The following CEP170B variants were observed in gnomAD, a reference collection of about 807,000 sequenced individuals.
CEP170B encodes the protein centrosomal protein 170B, also known as centrosomal protein of 170 kDa protein B.
A neutral mutation model predicts 120.6 loss-of-function variants in CEP170B; 55 were observed. The observed-to-expected ratio is 0.46, with a 90% CI of 0.37 to 0.57. The LOEUF (loss-of-function observed/expected upper bound fraction) is 0.57. Ranked by LOEUF, CEP170B falls within the 20% of genes least tolerant of loss-of-function variation. CEP170B has a pLI of 0.00. For missense variants in CEP170B, 2,212 were observed against 2,253.3 expected (o/e 0.98, Z 0.37); for synonymous variants, 1,033 against 954.5 (o/e 1.08, Z -1.52).
At chr14:104,874,747 C>A in intron 2 of CEP170B, among the ~76,000 whole-genome samples, 1 of 152,036 alleles carries the variant, frequency 6.6e-6, no homozygotes. Flanking sequence ...CCCCCAACCC[C>A]CACCCCCGGT....
chr14:104,876,421 C>A, intron 3 of CEP170B, 76 bp downstream of exon 3: 1 of 1,387,528 alleles, frequency 7.2e-7, no homozygotes, highest in East Asian at 2.5e-5. Context: ...TCAGTTCTGG[C>A]TCCTCCCCCA....
Position 104,883,345 on chromosome 14 carries a change from G to T in CEP170B, c.888G>T (p.Arg296=), listed in dbSNP as rs1353625986. The T allele has an allele frequency of 6.2e-7, 1 of 1,611,214 alleles. No individual in the cohort carries two copies. The highest frequency in any genetic ancestry group is 8.5e-7 in the Non-Finnish European group (1 of 1,179,418). The change falls in exon 8 of 19, where the codon CGG becomes CGT. Residue 296 remains arginine (R), a synonymous_variant. Coordinates refer to ENST00000414716, the MANE Select transcript of CEP170B (RefSeq NM_001112726.3). ...HITKFSLRQR[R]PPGKEATPGE... ...CCAAGTTTTCCCTGCGCCAGCGGCG[G>T]CCCCCGGGCAAGGAGGCCACACCTG...
chr14:104,877,829 CA>C, intron 3 of CEP170B, 55 bp from the exon 4 acceptor site: 4 of 619,772 alleles, frequency 6.5e-6, no homozygotes, highest in South Asian at 2.3e-5. Context: ...CGGCCCTGCC[CA>C]CAGCCACCCA....
At chr14:104,877,212 C>T (rs1395462003) in intron 3 of CEP170B, among the ~76,000 whole-genome samples, 2 of 152,180 alleles carry the variant, frequency 1.3e-5, no homozygotes, top group Non-Finnish European at 2.9e-5. Flanking sequence ...AGCGGCTGTC[C>T]CTGAATGGCT....
chr14:104,886,734 C>T lies in CEP170B; in HGVS notation c.2495C>T (p.Ala832Val). The T allele has an allele frequency of 6.2e-7, 1 of 1,607,230 alleles. No homozygotes were observed. Among genetic ancestry groups the T allele is most frequent in the African/African-American group, 1.3e-5 (1 of 74,980 alleles). Residue 832 changes from alanine to valine, a missense_variant, in exon 12 of 19, where the codon GCA (alanine) becomes GTA (valine). Ala to Val is a moderately conservative substitution (Grantham distance 64). Around this residue, in one of 2 missense-constraint regions of CEP170B, gnomAD observed 2,166 missense variants for 2,166.7 expected, o/e 1.00. Coordinates refer to ENST00000414716, the MANE Select transcript of CEP170B (RefSeq NM_001112726.3). ...LGQTAQPSPP[A>V]RDGVYVSANG... ...CAGACAGCCCAGCCCAGCCCCCCAG[C>T]ACGGGATGGCGTCTATGTCAGTGCC...
At position 104,886,983 on chromosome 14, in the gene CEP170B, A is replaced by G. The variant is rs1566868327; in HGVS notation, c.2744A>G (p.Lys915Arg). 1 of 1,609,200 alleles carries G rather than the reference A, an allele frequency of 6.2e-7. No individual in the cohort carries two copies. The highest frequency in any genetic ancestry group is 8.5e-7 in the Non-Finnish European group (1 of 1,179,818). The change falls in exon 12 of 19, where the codon AAG (lysine) becomes AGG (arginine). Residue 915 changes from lysine (K) to arginine (R), a missense_variant. Lys to Arg is a conservative substitution (Grantham distance 26). Coordinates refer to ENST00000414716, the MANE Select transcript of CEP170B (RefSeq NM_001112726.3). ...TCCCAGGACACCCACCTGATCTTGA[A>G]GGAGACGGAGACGGCCCTGGCGGCC... ...FHSQDTHLILKETETALAALE... is the reference protein window; with the variant it reads ...FHSQDTHLILRETETALAALE...
intron 16 of CEP170B, 94 bp from the exon 17 acceptor site, chr14:104,894,191 T>C: frequency 9.6e-7 from 1 of 1,038,118 alleles, no homozygotes; most frequent in Non-Finnish European, 1.5e-6. Context: ...TGGGATGAAC[T>C]TCACCATGGC....
chr14:104,893,444 G>A lies in CEP170B; in HGVS notation c.4039-79G>A, dbSNP rs1170756529. 10 of 1,509,198 alleles carry A rather than the reference G, an allele frequency of 6.6e-6. No individual in the cohort carries two copies. The Admixed American group carries it at 1.0e-4, about 15-fold the overall frequency. 93.5% of individuals were successfully genotyped at this position (1,509,198 alleles called of 1,614,324 possible). A position where few individuals can be genotyped will look rare whatever the true frequency, so the allele number is the denominator to read the frequency against. On this transcript the variant is annotated intron_variant, in intron 14 of 18. Transcript: ENST00000414716. ...GTGGGTGTGCTCTGTCCACCTGCCG[G>A]GCCGGAGCAGGGAGGTGCAGCCACA...
At chr14:104,875,992 G>A (rs1015843383) in intron 2 of CEP170B, among the ~76,000 whole-genome samples, 1 of 152,174 alleles carries the variant, frequency 6.6e-6, no homozygotes, top group East Asian at 1.9e-4. Context: ...AGGGCTCCCA[G>A]CACTCCCACG....
rs1896589343 is a variant in CEP170B at position 104,887,515 on chromosome 14, G to A, written c.3276G>A (p.Arg1092=). The A allele has an allele frequency of 6.2e-7, 1 of 1,611,502 alleles. No individual in the cohort carries two copies. Among genetic ancestry groups the A allele is most frequent in the African/African-American group, 1.3e-5 (1 of 74,946 alleles). Residue 1092 remains arginine (R), a synonymous_variant, in exon 12 of 19, where the codon CGG becomes CGA. Coordinates refer to ENST00000414716, the MANE Select transcript of CEP170B (RefSeq NM_001112726.3). ...PAAPPPSPAA[R]EEQSRSSASS... is the part of the protein sequence containing the mutation. ...CCCCACCGCCATCCCCAGCTGCCCG[G>A]GAGGAGCAGAGCCGTAGCTCAGCCA... is the stretch of plus-strand genomic sequence containing the variant.
chr14:104,878,934 C>T (rs1294372595), intron 5 of CEP170B, among the ~76,000 whole-genome samples: 1 of 152,176 alleles, frequency 6.6e-6, no homozygotes, highest in East Asian at 1.9e-4. Flanking sequence ...GCCCAGGAAG[C>T]TGCTGGGGTC....
At chr14:104,880,248 G>T in intron 5 of CEP170B, 39 bp from the exon 6 acceptor site, 1 of 1,560,516 alleles carries the variant, frequency 6.4e-7, no homozygotes, top group South Asian at 1.2e-5. Flanking sequence ...TCCTCCTGAG[G>T]CTGGGCCCAG....
rs368570320 is a variant in CEP170B, at chr14:104,878,425, G to T, written c.275-18G>T. Reference sequence around the variant, plus strand: ...CTCCTGGCTCTTCTGCTCTGTGTTCGCCTTAACACGTGTCCACATTCCAAC... The same window carrying T: ...CTCCTGGCTCTTCTGCTCTGTGTTCTCCTTAACACGTGTCCACATTCCAAC... On this transcript the variant is annotated intron_variant, in intron 4 of 18. Coordinates refer to ENST00000414716, the MANE Select transcript of CEP170B (RefSeq NM_001112726.3). 2 of 1,611,894 alleles carry T rather than the reference G, an allele frequency of 1.2e-6. No individual in the cohort carries two copies. Among genetic ancestry groups the T allele is most frequent in the Admixed American group, 1.7e-5 (1 of 59,974 alleles).
Position 104,893,635 on chromosome 14 carries a change from C to A in CEP170B, c.4151C>A (p.Ala1384Asp). Reference protein sequence around the residue: ...NMNDSCEDALANKTRPRNREE... With the variant: ...NMNDSCEDALDNKTRPRNREE... Reference sequence around the variant, plus strand: ...AACGACAGCTGTGAGGACGCCCTGGCCAACAAGACGCGGCCTCGGAACCGA... The same window carrying A: ...AACGACAGCTGTGAGGACGCCCTGGACAACAAGACGCGGCCTCGGAACCGA... Residue 1384 changes from alanine to aspartate, a missense_variant, in exon 15 of 19, where the codon GCC becomes GAC. Coordinates refer to ENST00000414716, the MANE Select transcript of CEP170B (RefSeq NM_001112726.3). 2 of 1,595,084 alleles carry A rather than the reference C, an allele frequency of 1.3e-6. No individual in the cohort carries two copies. Among genetic ancestry groups the A allele is most frequent in the Non-Finnish European group, 1.7e-6 (2 of 1,172,054 alleles).
intron 7 of CEP170B, 75 bp from the exon 8 acceptor site, chr14:104,882,960 G>A: frequency 1.4e-6 from 2 of 1,457,220 alleles, no homozygotes; most frequent in South Asian, 1.3e-5. Context: ...TGGGTGGAGT[G>A]GATGGTCCTG....
upstream of CEP170B, among the ~76,000 whole-genome samples, chr14:104,864,542 C>T (rs1230887133): frequency 6.6e-6 from 1 of 152,200 alleles, no homozygotes; most frequent in African/African-American, 2.4e-5. The surrounding 1 kb of genome is among the most constrained non-coding windows in gnomAD (Gnocchi z 5.9). Context: ...AGCGAGCAGT[C>T]CGCGGGAACT....
rs200189762 is a variant in CEP170B at position 104,886,655 on chromosome 14, G to A, written c.2416G>A (p.Ala806Thr). 3.1e-4 allele frequency: 475 copies of A among 1,532,102 alleles called. 4 individuals carry two copies. The highest frequency in any genetic ancestry group is 3.3e-4 in the Non-Finnish European group (373 of 1,142,378). 94.9% of individuals were successfully genotyped at this position (1,532,102 alleles called of 1,614,324 possible). A position where few individuals can be genotyped will look rare whatever the true frequency, so the allele number is the denominator to read the frequency against. ...CTTCATTGGGGACCAGAATGGGGAC[G>A]CTGTGTTATCTAGGAAACCGCTTGC... Reference protein sequence around the residue: ...SFFIGDQNGDAVLSRKPLAAP... With the variant: ...SFFIGDQNGDTVLSRKPLAAP... Residue 806 changes from alanine (A) to threonine (T), a missense_variant, in exon 12 of 19, where the codon GCT (alanine) becomes ACT (threonine). Physicochemically the swap from Ala to Thr is moderately conservative, Grantham distance 58. Around this residue, in one of 2 missense-constraint regions of CEP170B, gnomAD observed 2,166 missense variants for 2,166.7 expected, o/e 1.00. Coordinates refer to ENST00000414716, the MANE Select transcript of CEP170B (RefSeq NM_001112726.3).
At chr14:104,892,190 C>T (rs1036723472) in intron 13 of CEP170B, among the ~76,000 whole-genome samples, 2 of 152,142 alleles carry the variant, frequency 1.3e-5, no homozygotes, top group African/African-American at 4.8e-5. Context: ...GCAGGACCTG[C>T]TGGTGGCCCA....
intron 16 of CEP170B, 179 bp from the exon 17 acceptor site, chr14:104,894,106 G>A (rs937506982): frequency 2.9e-5 from 19 of 657,064 alleles, no homozygotes; most frequent in East Asian, 8.1e-5. Flanking sequence ...CCCCACCGCC[G>A]AGTGTCAGGC....
Sources: gnomAD v4.1 joint callset for allele counts (sites outside exome capture counted in the v4.1 genomes callset) on GRCh38, gnomAD v4.1.1 for gene constraint, gnomAD v4.1.1 regional missense constraint, Gnocchi (gnomAD v3.1) non-coding constraint, MANE v1.5 for transcripts, NCBI Gene and HGNC (gene_info 2026-07-23, HGNC 2026-07-21) for gene names.